The following CNIH3 variants were observed in gnomAD, a reference collection of about 807,000 sequenced individuals.
CNIH3 encodes the protein protein cornichon homolog 3.
A neutral mutation model predicts 24.1 loss-of-function variants in CNIH3; 14 were observed. That is an observed-to-expected ratio of 0.58 (90% CI 0.38 to 0.91). The LOEUF (loss-of-function observed/expected upper bound fraction) is 0.91. Ranked by LOEUF, CNIH3 falls within the 40% of genes least tolerant of loss-of-function variation. CNIH3 has a pLI of 0.00. For synonymous variants in CNIH3, 68 were observed against 73.8 expected, an observed-to-expected ratio of 0.92 and a Z score of 0.40; for missense variants, 178 against 196.8, an observed-to-expected ratio of 0.90 and a Z score of 0.57.
intron 3 of CNIH3, among the ~76,000 whole-genome samples, chr1:224,685,498 G>T (rs1572719817): frequency 6.6e-6 from 1 of 152,338 alleles, no homozygotes; most frequent in East Asian, 1.9e-4. Flanking sequence ...CCAAAAAAGT[G>T]TGTGCTTTTT....
At chr1:224,516,879 CA>C (rs2124906024) in intron 1 of CNIH3, among the ~76,000 whole-genome samples, 2 of 152,260 alleles carry the variant, frequency 1.3e-5, no homozygotes, top group East Asian at 3.9e-4. Flanking sequence ...TTCCTGGCCC[CA>C]CTCTTGTTTT....
intron 4 of CNIH3, among the ~76,000 whole-genome samples, chr1:224,572,227 A>G (rs541514961): frequency 1.3e-5 from 2 of 152,262 alleles, no homozygotes; most frequent in African/African-American, 4.8e-5. Context: ...GAATTATAAG[A>G]ATTCACAGCC....
intron 3 of CNIH3, among the ~76,000 whole-genome samples, chr1:224,701,582 A>G (rs1572754020): frequency 6.6e-6 from 1 of 152,314 alleles, no homozygotes; most frequent in East Asian, 1.9e-4. Context: ...GCGTTTCAAC[A>G]TGTGAATTTT....
At chr1:224,522,287 T>C (rs1406109614) in intron 2 of CNIH3, among the ~76,000 whole-genome samples, 3 of 152,214 alleles carry the variant, frequency 2.0e-5, no homozygotes, top group Non-Finnish European at 4.4e-5. Context: ...CACTGTACTT[T>C]GCAGGGTTGG....
chr1:224,722,709 G>A (rs1688789670), intron 3 of CNIH3, among the ~76,000 whole-genome samples: 1 of 152,082 alleles, frequency 6.6e-6, no homozygotes, highest in Non-Finnish European at 1.5e-5. Flanking sequence ...AAAGCTCCAG[G>A]GGGGATTCTA....
At chr1:224,591,078 CTAAGTA>C (rs549372018), downstream of CNIH3, among the ~76,000 whole-genome samples, 641 of 152,304 alleles carry the variant, frequency 4.2e-3, 4 homozygotes, top group African/African-American at 0.014. Context: ...TCTTACCTTT[CTAAGTA>C]TATTTCCAGT....
chr1:224,616,995 C>T lies in CNIH3; in HGVS notation c.-180C>T. On this transcript the variant is annotated 5_prime_UTR_variant, in exon 1 of 6. Transcript: ENST00000272133. ...CCGGGTCTGGGGTCGCCGGAGCCTGCGGGAATCCAGCGCTTATTCGCTGAC... is the reference window on the plus strand; with the variant it reads ...CCGGGTCTGGGGTCGCCGGAGCCTGTGGGAATCCAGCGCTTATTCGCTGAC... The T allele has an allele frequency of 7.1e-6, 10 of 1,409,898 alleles. No homozygotes were observed. Among genetic ancestry groups the T allele is most frequent in the Non-Finnish European group, 8.3e-6 (9 of 1,086,788 alleles). 87.3% of individuals were successfully genotyped at this position (1,409,898 alleles called of 1,614,324 possible).
chr1:224,540,125 A>G (rs1363489909), downstream of CNIH3, among the ~76,000 whole-genome samples: 1 of 152,238 alleles, frequency 6.6e-6, no homozygotes, highest in Non-Finnish European at 1.5e-5. Context: ...ACCGTAGCTA[A>G]AAGTTCAAAA....
intron 3 of CNIH3, among the ~76,000 whole-genome samples, chr1:224,706,710 CAGAG>C (rs1250133025): frequency 6.6e-6 from 1 of 152,088 alleles, no homozygotes; most frequent in Non-Finnish European, 1.5e-5. Context: ...AACAAAAGTG[CAGAG>C]AGAGAGACCT....
At chr1:224,531,024 C>T (rs1679047615) in intron 2 of CNIH3, among the ~76,000 whole-genome samples, 1 of 152,186 alleles carries the variant, frequency 6.6e-6, no homozygotes, top group East Asian at 1.9e-4. Flanking sequence ...ACTTCCTAGG[C>T]ATGGAACTGG....
At chr1:224,476,792 G>GA (rs929886459) in intron 1 of CNIH3, among the ~76,000 whole-genome samples, 64 of 151,080 alleles carry the variant, frequency 4.2e-4, no homozygotes, top group African/African-American at 7.5e-4. Flanking sequence ...CACAGAAATA[G>GA]AAAAAAAAAT....
At chr1:224,587,114 C>T (rs190765849) in intron 5 of CNIH3, 1 of 152,324 alleles carries the variant, frequency 6.6e-6, no homozygotes, top group East Asian at 1.9e-4. Context: ...GGGTCATGTG[C>T]CTGGTTGCCT....
At chr1:224,501,336 G>T (rs1298011507) in intron 1 of CNIH3, among the ~76,000 whole-genome samples, 1 of 151,966 alleles carries the variant, frequency 6.6e-6, no homozygotes, top group Non-Finnish European at 1.5e-5. Context: ...ACTTTGTAAA[G>T]AATTCTTCTC....
chr1:224,556,790 C>T (rs545102301), intron 3 of CNIH3, among the ~76,000 whole-genome samples: 23 of 152,284 alleles, frequency 1.5e-4, no homozygotes, highest in East Asian at 1.2e-3. Context: ...GTTCCTAACA[C>T]GCCACGGACC....
At chr1:224,546,698 C>A in intron 2 of CNIH3, 1 of 156,544 alleles carries the variant, frequency 6.4e-6, no homozygotes, top group Non-Finnish European at 1.4e-5. Context: ...CTCCAGGAAG[C>A]ACCTATTTTT....
intron 1 of CNIH3, among the ~76,000 whole-genome samples, chr1:224,463,618 G>C (rs1158996239): frequency 6.6e-6 from 1 of 151,180 alleles, no homozygotes; most frequent in Admixed American, 6.6e-5. Flanking sequence ...TGTTGGTTAG[G>C]CTGGTCTCGA....
chr1:224,434,738 C>G lies in CNIH3; in HGVS notation n.79C>G, dbSNP rs567442975. The G allele has an allele frequency of 5.1e-5, 50 of 986,616 alleles. No individual in the cohort carries two copies. In the South Asian group the frequency reaches 2.2e-3, roughly 43 times the overall value. The allele number at this position is 986,616 out of a possible 1,614,324, so 61.1% of individuals were successfully genotyped here. A position where few individuals can be genotyped will look rare whatever the true frequency, so the allele number is the denominator to read the frequency against. ...AGCGGAGGCAGCTGCCGCCTCTGTC[C>G]TCGGATCCGCTCCGCTCTGCTCCCT... is the stretch of plus-strand genomic sequence containing the variant. On this transcript the variant is annotated non_coding_transcript_exon_variant, in exon 1 of 6. Transcript: ENST00000471578.
intron 1 of CNIH3, among the ~76,000 whole-genome samples, chr1:224,617,668 G>A (rs1683082557): frequency 6.6e-6 from 1 of 152,220 alleles, no homozygotes; most frequent in African/African-American, 2.4e-5. Flanking sequence ...CATCTGTGGT[G>A]GGTTGCATTT....
At position 224,616,508 on chromosome 1, in the gene CNIH3, C is replaced by T; in HGVS notation, c.-667C>T. 4 of 987,932 alleles carry T rather than the reference C, an allele frequency of 4.0e-6. No homozygotes were observed. The highest frequency in any genetic ancestry group is 4.8e-6 in the Non-Finnish European group (4 of 831,234). The allele number at this position is 987,932 out of a possible 1,614,324, so 61.2% of individuals were successfully genotyped here. On this transcript the variant is annotated 5_prime_UTR_variant, in exon 1 of 6. Coordinates refer to ENST00000272133, the MANE Select transcript of CNIH3 (RefSeq NM_152495.2). ...GTTGCGGAGGCCGGCTGGCCGGAGT[C>T]ACGGTTGGGGACGGGCGCGCCTCGG...
Sources: allele counts gnomAD v4.1 joint callset (sites outside exome capture counted in the v4.1 genomes callset), GRCh38; gene constraint gnomAD v4.1.1; transcripts MANE v1.5; gene names NCBI Gene and HGNC (gene_info 2026-07-23, HGNC 2026-07-21).